JMJD1C: variants seen among roughly 807,000 people sequenced by gnomAD.
JMJD1C encodes the protein jumonji domain containing 1C, also known as jumonji domain-containing protein 1C.
In JMJD1C, 31 loss-of-function variants were observed where a neutral mutation model predicts 245.3. The observed-to-expected ratio is 0.13, with a 90% confidence interval of 0.09 to 0.17. The LOEUF (loss-of-function observed/expected upper bound fraction) is 0.17, where lower values mean the gene tolerates loss of function less well. Ranked by LOEUF, JMJD1C falls within the 10% of genes least tolerant of loss-of-function variation. JMJD1C has a pLI of 1.00. For missense variants in JMJD1C, 2,691 were observed against 3,000.2 expected, an observed-to-expected ratio of 0.90 and a Z score of 2.41; for synonymous variants, 1,057 against 1,017.4, an observed-to-expected ratio of 1.04 and a Z score of -0.74.
chr10:63,408,352 G>A (rs1414611580), intron 1 of JMJD1C, among the ~76,000 whole-genome samples: 3 of 151,768 alleles, frequency 2.0e-5, no homozygotes, highest in Admixed American at 1.3e-4. Flanking sequence ...GCAGTAAGCC[G>A]AGATCGCGCC....
At chr10:63,309,423 G>C (rs1441794899) in intron 2 of JMJD1C, among the ~76,000 whole-genome samples, 1 of 148,760 alleles carries the variant, frequency 6.7e-6, no homozygotes, top group Admixed American at 6.8e-5. Flanking sequence ...GAACCGGGGG[G>C]GCAGAGGTTG....
chr10:63,388,740 C>T (rs980563546), intron 1 of JMJD1C, among the ~76,000 whole-genome samples: 1 of 152,110 alleles, frequency 6.6e-6, no homozygotes, highest in Non-Finnish European at 1.5e-5. Context: ...AAGTGTCAGA[C>T]TAGTTGAAAT....
chr10:63,476,036 C>G (rs1007958018), intron 1 of JMJD1C, among the ~76,000 whole-genome samples: 10 of 151,798 alleles, frequency 6.6e-5, no homozygotes, highest in Non-Finnish European at 1.3e-4. Context: ...TGGTGAAACC[C>G]TGTATCTACT....
At chr10:63,382,561 C>G (rs753496112) in intron 1 of JMJD1C, among the ~76,000 whole-genome samples, 6 of 152,026 alleles carry the variant, frequency 3.9e-5, no homozygotes, top group Non-Finnish European at 8.8e-5. Context: ...ATAAAAAGGT[C>G]TATATGAAAA....
In JMJD1C at chr10:63,200,583, C is replaced by T. The variant is rs1434473180; in HGVS notation, c.5169G>A (p.Glu1723=). Residue 1723 remains glutamate, a synonymous_variant, in exon 11 of 26, where the codon GAG becomes GAA. Transcript: ENST00000399262. ...GACACTTTTGTAAATTAGGCCCTAT[C>T]TCACAGCAGGAGTCATCCTGTAAAA... is the stretch of plus-strand genomic sequence containing the variant. The part of the protein sequence containing the change: ...ESFLQDDSCC[E]IGPNLQKCRE... The T allele has an allele frequency of 1.2e-6, 2 of 1,613,844 alleles. No homozygotes were observed. The highest frequency in any genetic ancestry group is 2.7e-5 in the African/African-American group (2 of 74,914).
At chr10:63,222,011 C>T in intron 3 of JMJD1C, 1 of 376,480 alleles carries the variant, frequency 2.7e-6, no homozygotes, top group South Asian at 2.2e-5. Flanking sequence ...CGTGAGCCAC[C>T]ACATCTGGCC....
intron 3 of JMJD1C, among the ~76,000 whole-genome samples, chr10:63,225,091 C>T (rs1849098682): frequency 6.6e-6 from 1 of 151,854 alleles, no homozygotes; most frequent in Admixed American, 6.6e-5. Context: ...CACTTAATGG[C>T]ACAGTCTTCA....
chr10:63,179,861 A>G (rs1007149003), intron 22 of JMJD1C, among the ~76,000 whole-genome samples: 6 of 152,146 alleles, frequency 3.9e-5, no homozygotes, highest in Non-Finnish European at 7.4e-5. Context: ...AAAAACTCAG[A>G]AAGTCAAATA....
intron 2 of JMJD1C, chr10:63,373,147 T>C (rs1295693070): frequency 6.0e-6 from 1 of 167,730 alleles, no homozygotes; most frequent in African/African-American, 2.4e-5. Flanking sequence ...GTAAATAAAA[T>C]TTAACAATCT....
intron 6 of JMJD1C, 43 bp downstream of exon 6, chr10:63,215,510 G>C (rs770092841): frequency 1.5e-5 from 24 of 1,607,518 alleles, no homozygotes; most frequent in Non-Finnish European, 2.0e-5. Context: ...ACTAGCCTAA[G>C]GAAAAATATT....
chr10:63,454,835 G>A (rs988531889), intron 1 of JMJD1C, among the ~76,000 whole-genome samples: 1 of 152,220 alleles, frequency 6.6e-6, no homozygotes. Flanking sequence ...TATCCTCATG[G>A]TGTAGTTTCA....
rs754073844 is a variant in JMJD1C, at chr10:63,465,501, G to A, written c.162C>T (p.Asp54=). The change falls in exon 1 of 26, where the codon GAC becomes GAT. Residue 54 remains aspartate, a synonymous_variant. Transcript: ENST00000399262. The part of the protein sequence containing the change: ...AVSHRDSRNP[D]LAVYVEFDDL... ...GGGGCGCTGACTCTCTTACCGCCAG[G>A]TCCGGATTGCGGCTGTCCCTGTGTG... The A allele has an allele frequency of 4.4e-6, 7 of 1,603,328 alleles. No homozygotes were observed. Among genetic ancestry groups the A allele is most frequent in the Non-Finnish European group, 5.9e-6 (7 of 1,177,348 alleles).
At chr10:63,234,152 A>C (rs1258531354) in intron 3 of JMJD1C, among the ~76,000 whole-genome samples, 1 of 151,294 alleles carries the variant, frequency 6.6e-6, no homozygotes, top group Admixed American at 6.7e-5. Flanking sequence ...AGGTGGACTT[A>C]ATCACTTGAG....
chr10:63,191,553 C>A (rs1394838580), intron 16 of JMJD1C, among the ~76,000 whole-genome samples: 1 of 152,120 alleles, frequency 6.6e-6, no homozygotes, highest in Non-Finnish European at 1.5e-5. Context: ...TAAACACAAA[C>A]CTGAGGATGA....
chr10:63,229,842 A>C (rs1331611859), intron 3 of JMJD1C, among the ~76,000 whole-genome samples: 4 of 152,242 alleles, frequency 2.6e-5, no homozygotes, highest in African/African-American at 9.6e-5. Flanking sequence ...GAAACAAAAC[A>C]AAGTGATGAA....
At chr10:63,382,458 T>C (rs1270528478) in intron 1 of JMJD1C, among the ~76,000 whole-genome samples, 1 of 152,198 alleles carries the variant, frequency 6.6e-6, no homozygotes, top group Admixed American at 6.5e-5. Context: ...AAAATCATCT[T>C]TAATGATGCA....
chr10:63,202,717 A>G (rs961432989), intron 10 of JMJD1C: 1 of 985,308 alleles, frequency 1.0e-6, no homozygotes, highest in African/African-American at 1.7e-5. Context: ...GTATAAACCC[A>G]TTTCCAGAAG....
At chr10:63,424,497 CTTTTTT>C (rs59823871) in intron 1 of JMJD1C, among the ~76,000 whole-genome samples, 64 of 103,384 alleles carry the variant, frequency 6.2e-4, no homozygotes, top group East Asian at 2.4e-3. Context: ...ATTATTATTT[CTTTTTT>C]TTTTTTTTTT....
At chr10:63,210,193 A>C (rs548259992) in intron 8 of JMJD1C, among the ~76,000 whole-genome samples, 1 of 152,138 alleles carries the variant, frequency 6.6e-6, no homozygotes, top group African/African-American at 2.4e-5. Flanking sequence ...CCTCAGTTCT[A>C]TAAGATCCAG....
Sources: allele counts gnomAD v4.1 joint callset (sites outside exome capture counted in the v4.1 genomes callset), GRCh38; gene constraint gnomAD v4.1.1; transcripts MANE v1.5; gene names NCBI Gene and HGNC (gene_info 2026-07-23, HGNC 2026-07-21).